The following OTOG variants were observed in gnomAD, a reference collection of about 807,000 sequenced individuals.
OTOG encodes otogelin.
OTOG carries 296 observed loss-of-function variants against 313.8 expected under a neutral mutation model. The ratio of observed to expected loss-of-function variants is 0.94; its 90% CI spans 0.86 to 1.04. The LOEUF (loss-of-function observed/expected upper bound fraction) is 1.04, where lower values mean the gene tolerates loss of function less well. OTOG is among the 50% of genes least tolerant of loss of function. The pLI, the probability that OTOG is intolerant of heterozygous loss-of-function variation, is 0.00. For missense variants in OTOG, 3,948 were observed against 3,840.1 expected (o/e 1.03, Z -0.74); for synonymous variants, 1,533 against 1,554.9 (o/e 0.99, Z 0.33).
In OTOG at chr11:17,635,236, G is replaced by A. The variant is rs552232016; in HGVS notation, c.7693+49G>A. 1.2e-4 allele frequency: 179 copies of A among 1,443,208 alleles called. 1 individual carries two copies. The African/African-American group carries it at 1.7e-3, about 14-fold the overall frequency. 89.4% of individuals were successfully genotyped at this position (1,443,208 alleles called of 1,614,324 possible). A position where few individuals can be genotyped will look rare whatever the true frequency, so the allele number is the denominator to read the frequency against. On this transcript the variant is annotated intron_variant, in intron 46 of 55. Coordinates refer to ENST00000399397, the MANE Select transcript of OTOG (RefSeq NM_001292063.2). ...AGCGCACACAGCCTGATCACAGTCC[G>A]CCGGCCTCACCCCTGTGTCCTTGGG...
At chr11:17,557,381 G>C (rs1852079352) in intron 8 of OTOG, 58 bp downstream of exon 8, 1 of 1,505,972 alleles carries the variant, frequency 6.6e-7, no homozygotes, top group African/African-American at 1.4e-5. Context: ...GACAGGTCAG[G>C]CTGGGAGGGG....
At chr11:17,586,630 T>C (rs1003200768) in intron 24 of OTOG, 49 bp downstream of exon 24, 1 of 903,938 alleles carries the variant, frequency 1.1e-6, no homozygotes, top group African/African-American at 1.7e-5. Flanking sequence ...GGAGGGGGCA[T>C]GGATATGGGT....
chr11:17,610,721 C>A lies in OTOG; in HGVS notation c.5421C>A (p.Ser1807Arg). The A allele has an allele frequency of 6.5e-7, 1 of 1,550,264 alleles. No individual in the cohort carries two copies. Among genetic ancestry groups the A allele is most frequent in the Non-Finnish European group, 8.7e-7 (1 of 1,147,020 alleles). Reference protein sequence around the residue: ...QLLSGLPPDTSLPLAKVGTSA... With the variant: ...QLLSGLPPDTRLPLAKVGTSA... ...TCTCTGGCCTGCCTCCCGACACCAGCCTGCCCCTGGCCAAGGTGGGCACAT... is the reference window on the plus strand; with the variant it reads ...TCTCTGGCCTGCCTCCCGACACCAGACTGCCCCTGGCCAAGGTGGGCACAT... Residue 1807 changes from serine (S) to arginine (R), a missense_variant, in exon 36 of 56, where the codon AGC (serine) becomes AGA (arginine). Physicochemically the swap from Ser to Arg is moderately radical, Grantham distance 110. Transcript: ENST00000399397.
chr11:17,628,711 G>A (rs1261826265), intron 39 of OTOG, among the ~76,000 whole-genome samples: 2 of 152,220 alleles, frequency 1.3e-5, no homozygotes, highest in African/African-American at 4.8e-5. Flanking sequence ...CAGAGCAGGG[G>A]TATGTAGCCC....
chr11:17,573,229 CG>C lies in OTOG; in HGVS notation c.2233del (p.Ala745ProfsTer58). 6.5e-7 allele frequency: 1 copy of C among 1,535,792 alleles called. No homozygotes were observed. The highest frequency in any genetic ancestry group is 1.2e-5 in the South Asian group (1 of 83,984). ...PCLCATLAHY[A>X]HLCRRHGLPV... The stretch of plus-strand genomic sequence containing the variant: ...GCCTGTGCGCCACACTGGCCCACTA[CG>C]CCCACCTGTGCCGGCGCCATGGGCT... On this transcript the variant is annotated frameshift_variant, in exon 19 of 56. Transcript: ENST00000399397. LOFTEE classifies it high-confidence loss of function.
chr11:17,612,048 A>T, intron 36 of OTOG, 114 bp from the exon 37 acceptor site: 1 of 1,287,900 alleles, frequency 7.8e-7, no homozygotes. Context: ...TTTCCCTAGA[A>T]GGTCCCCTGC....
At chr11:17,636,155 T>A (rs1430390437) in intron 47 of OTOG, among the ~76,000 whole-genome samples, 1 of 152,228 alleles carries the variant, frequency 6.6e-6, no homozygotes, top group Middle Eastern at 3.2e-3. Flanking sequence ...TTTGTAATTA[T>A]AAATAAAAGT....
At chr11:17,629,705 A>G (rs368367143) in intron 40 of OTOG, among the ~76,000 whole-genome samples, 1 of 152,196 alleles carries the variant, frequency 6.6e-6, no homozygotes, top group Non-Finnish European at 1.5e-5. Flanking sequence ...CCACTGAACT[A>G]AAGAAGAAAG....
intron 29 of OTOG, among the ~76,000 whole-genome samples, chr11:17,596,415 T>C (rs1243704929): frequency 6.6e-6 from 1 of 152,216 alleles, no homozygotes; most frequent in Non-Finnish European, 1.5e-5. Context: ...TATCATGAAG[T>C]TCTTCTAAAT....
At chr11:17,613,932 T>G (rs944286588) in intron 39 of OTOG, among the ~76,000 whole-genome samples, 4 of 139,338 alleles carry the variant, frequency 2.9e-5, no homozygotes, top group African/African-American at 1.3e-4. Flanking sequence ...GAATGGGATA[T>G]TGTTGTGACA....
chr11:17,556,788 T>C (rs958724163), intron 7 of OTOG, among the ~76,000 whole-genome samples: 6 of 152,178 alleles, frequency 3.9e-5, no homozygotes, highest in Non-Finnish European at 1.5e-5. Context: ...CCTCCTCTCT[T>C]GGCTTCTGTT....
At chr11:17,630,076 C>G (rs1020762347) in intron 40 of OTOG, among the ~76,000 whole-genome samples, 3 of 152,166 alleles carry the variant, frequency 2.0e-5, no homozygotes, top group Non-Finnish European at 4.4e-5. Context: ...TCCAAATTCC[C>G]TCTACACATG....
intron 6 of OTOG, 89 bp from the exon 7 acceptor site, chr11:17,555,690 C>T (rs545959247): frequency 9.3e-5 from 95 of 1,018,294 alleles, no homozygotes; most frequent in Non-Finnish European, 1.2e-4. Context: ...GGACAGCCAT[C>T]GGCATTAGTG....
At chr11:17,601,051 G>A (rs1853237452) in intron 31 of OTOG, among the ~76,000 whole-genome samples, 1 of 152,218 alleles carries the variant, frequency 6.6e-6, no homozygotes, top group Non-Finnish European at 1.5e-5. Flanking sequence ...CCCCTGGTGG[G>A]AGTGTTTACG....
chr11:17,624,396 C>T (rs4757553), intron 39 of OTOG, among the ~76,000 whole-genome samples: 9,197 of 152,184 alleles, frequency 0.06, 909 homozygotes, highest in African/African-American at 0.21. Context: ...CCAGTAGCAT[C>T]TATTGAATAG....
At position 17,639,522 on chromosome 11, in the gene OTOG, A is replaced by G. The variant is rs1004893656; in HGVS notation, c.7935+59A>G. ...TCTGCTCCCCTTTCCTTTCCTCTCT[A>G]TCCCCTCCTCTAGAGAATCTGCTCC... On this transcript the variant is annotated intron_variant, in intron 49 of 55. Transcript: ENST00000399397. 3.3e-6 allele frequency: 5 copies of G among 1,502,454 alleles called. No homozygotes were observed. The African/African-American group carries it at 7.0e-5, about 21-fold the overall frequency. 93.1% of individuals were successfully genotyped at this position (1,502,454 alleles called of 1,614,324 possible).
rs1250328885 is a variant in OTOG at position 17,553,507 on chromosome 11, C to T, written c.528C>T (p.Ser176=). The T allele has an allele frequency of 3.5e-6, 5 of 1,440,784 alleles. No homozygotes were observed. The highest frequency in any genetic ancestry group is 3.7e-6 in the Non-Finnish European group (4 of 1,094,948). The allele number at this position is 1,440,784 out of a possible 1,614,324, so 89.2% of individuals were successfully genotyped here. ...GTCGCCATGAGCCCGAGGGACAGAG[C>T]TTCTCCATCCAGGTGAGGCCTCCCC... ...LVGRHEPEGQ[S]FSIQVHNDPQ... is the part of the protein sequence containing the mutation. The change falls in exon 6 of 56, where the codon AGC becomes AGT. Residue 176 remains serine, a synonymous_variant. Transcript: ENST00000399397.
At chr11:17,556,732 G>C (rs1179971033) in intron 7 of OTOG, among the ~76,000 whole-genome samples, 1 of 152,166 alleles carries the variant, frequency 6.6e-6, no homozygotes, top group African/African-American at 2.4e-5. Context: ...TGGGAAAGTG[G>C]TCAAGGCTGC....
In OTOG at chr11:17,646,016, A is replaced by T; in HGVS notation, c.*72A>T. ...TCTGTTTCCAGCTGGCCCAATGTGA[A>T]TGGGGGTATTAAAGGTGGTAGAAAT... On this transcript the variant is annotated 3_prime_UTR_variant, in exon 56 of 56. Coordinates refer to ENST00000399397, the MANE Select transcript of OTOG (RefSeq NM_001292063.2). 7.1e-7 allele frequency: 1 copy of T among 1,410,584 alleles called. No individual in the cohort carries two copies. The highest frequency in any genetic ancestry group is 9.7e-7 in the Non-Finnish European group (1 of 1,032,762). The allele number at this position is 1,410,584 out of a possible 1,614,324, so 87.4% of individuals were successfully genotyped here. A position where few individuals can be genotyped will look rare whatever the true frequency, so the allele number is the denominator to read the frequency against.
Sources: allele counts gnomAD v4.1 joint callset (sites outside exome capture counted in the v4.1 genomes callset), GRCh38; gene constraint gnomAD v4.1.1; transcripts MANE v1.5; gene names NCBI Gene and HGNC (gene_info 2026-07-23, HGNC 2026-07-21).